Variants in KCNH1 observed in about 807,000 individuals in gnomAD.
KCNH1 encodes the protein potassium voltage-gated channel subfamily H member 1, also known as voltage-gated delayed rectifier potassium channel KCNH1.
KCNH1 carries 27 observed loss-of-function variants against 69.2 expected under a neutral mutation model. That is an observed-to-expected ratio of 0.39 (90% CI 0.29 to 0.54). KCNH1 has a LOEUF of 0.54. Among genes scored for constraint, KCNH1 ranks in the 20% least tolerant of loss-of-function variants. KCNH1 has a pLI of 0.68. For missense variants in KCNH1, 798 were observed against 1,261.6 expected, an observed-to-expected ratio of 0.63 and a Z score of 5.57; for synonymous variants, 456 against 487.7, an observed-to-expected ratio of 0.93 and a Z score of 0.86.
intron 10 of KCNH1, among the ~76,000 whole-genome samples, chr1:210,716,431 CAAAA>C (rs58725705): frequency 2.2e-5 from 2 of 91,968 alleles, no homozygotes; most frequent in Non-Finnish European, 2.0e-5. Flanking sequence ...GACTCCGTCT[CAAAA>C]AAAAAAAAAA....
chr1:210,688,856 C>G (rs28513183), intron 10 of KCNH1, among the ~76,000 whole-genome samples: 59,023 of 152,050 alleles, frequency 0.39, 12,558 homozygotes, highest in South Asian at 0.54. Context: ...TGTTCCACTG[C>G]AAAAGGCCCA....
intron 10 of KCNH1, among the ~76,000 whole-genome samples, chr1:210,695,436 T>G (rs1337493191): frequency 2.0e-5 from 3 of 152,224 alleles, no homozygotes; most frequent in African/African-American, 7.2e-5. Flanking sequence ...CTAACCTACC[T>G]CTCATTAACA....
intron 1 of KCNH1, among the ~76,000 whole-genome samples, chr1:211,120,299 C>T (rs990334124): frequency 6.6e-6 from 1 of 151,730 alleles, no homozygotes; most frequent in Non-Finnish European, 1.5e-5. Flanking sequence ...AAGCAATTCT[C>T]CTGCTTCAGC....
intron 10 of KCNH1, among the ~76,000 whole-genome samples, chr1:210,717,957 GT>G (rs1553337571): frequency 1.3e-5 from 2 of 151,762 alleles, no homozygotes; most frequent in Non-Finnish European, 2.9e-5. Flanking sequence ...AAATATAAAA[GT>G]TAGCCAGGCG....
intron 6 of KCNH1, among the ~76,000 whole-genome samples, chr1:210,998,247 G>A (rs552566079): frequency 6.6e-6 from 1 of 152,322 alleles, no homozygotes; most frequent in South Asian, 2.1e-4. Flanking sequence ...ACCTATCAGT[G>A]TGTTGTATTC....
chr1:210,998,548 C>T (rs1171813197), intron 6 of KCNH1, among the ~76,000 whole-genome samples: 1 of 152,170 alleles, frequency 6.6e-6, no homozygotes, highest in Non-Finnish European at 1.5e-5. Flanking sequence ...CTTAGACTCC[C>T]ACACGATAAT....
At chr1:210,857,018 G>T (rs545302322) in intron 7 of KCNH1, among the ~76,000 whole-genome samples, 7 of 150,908 alleles carry the variant, frequency 4.6e-5, no homozygotes, top group South Asian at 2.1e-4. Flanking sequence ...CAGTTGTGAC[G>T]CTCTAGCTTA....
chr1:211,021,442 T>G (rs1433109167), intron 5 of KCNH1, among the ~76,000 whole-genome samples: 1 of 152,126 alleles, frequency 6.6e-6, no homozygotes, highest in Non-Finnish European at 1.5e-5. Context: ...ACCACTGTTA[T>G]TCAACATAGC....
intron 10 of KCNH1, among the ~76,000 whole-genome samples, chr1:210,753,461 A>G (rs1450973234): frequency 3.9e-5 from 6 of 152,182 alleles, no homozygotes; most frequent in Non-Finnish European, 7.4e-5. Context: ...CAGCTTCCCC[A>G]TGGGGTTGTC....
At chr1:210,707,130 A>G (rs1558431969) in intron 10 of KCNH1, among the ~76,000 whole-genome samples, 1 of 152,172 alleles carries the variant, frequency 6.6e-6, no homozygotes. Flanking sequence ...GTTTTCATAT[A>G]TATTGTTCCT....
chr1:210,925,526 C>T (rs993741400), intron 6 of KCNH1, among the ~76,000 whole-genome samples: 3 of 152,136 alleles, frequency 2.0e-5, no homozygotes, highest in East Asian at 1.9e-4. Context: ...GGTGCTGTTG[C>T]GGGGGACATG....
intron 1 of KCNH1, among the ~76,000 whole-genome samples, chr1:211,122,506 A>C (rs941409809): frequency 2.6e-5 from 4 of 152,228 alleles, no homozygotes; most frequent in Non-Finnish European, 5.9e-5. Flanking sequence ...AAGCCATTCT[A>C]CTATAAAGAC....
intron 6 of KCNH1, among the ~76,000 whole-genome samples, chr1:210,955,594 G>T (rs1298151466): frequency 6.6e-6 from 1 of 152,106 alleles, no homozygotes; most frequent in African/African-American, 2.4e-5. Flanking sequence ...GTGGTTTGTA[G>T]TTCTCCTTGA....
At chr1:210,920,508 G>A (rs1687437121) in intron 6 of KCNH1, among the ~76,000 whole-genome samples, 1 of 151,998 alleles carries the variant, frequency 6.6e-6, no homozygotes, top group Admixed American at 6.5e-5. Context: ...GCATAAGTAT[G>A]CAAACATATA....
Position 210,922,383 on chromosome 1 carries a change from C to CAAAAAAA in KCNH1, c.1033-2321_1033-2315dup, listed in dbSNP as rs758026291. On this transcript the variant is annotated intron_variant, in intron 6 of 10. Coordinates refer to ENST00000271751, the MANE Select transcript of KCNH1 (RefSeq NM_172362.3). ...TGGGCAACAGAGCGAGACTCCGTCT[C>CAAAAAAA]AAAAAAAAAAAAAAAAAAAAAAAAA... 3.7e-4 allele frequency among the ~76,000 whole-genome samples: 36 copies of CAAAAAAA among 98,312 alleles called. 1 individual carries two copies. Among genetic ancestry groups the CAAAAAAA allele is most frequent in the East Asian group, 2.7e-3 (5 of 1,866 alleles). 64.5% of individuals were successfully genotyped at this position (98,312 alleles called of 152,430 possible).
chr1:210,829,889 GC>G (rs1685122023), intron 7 of KCNH1, among the ~76,000 whole-genome samples: 1 of 152,092 alleles, frequency 6.6e-6, no homozygotes, highest in Non-Finnish European at 1.5e-5. Flanking sequence ...CAGTCACATA[GC>G]CCTTAGAATG....
chr1:210,740,103 A>T (rs1283129059), intron 10 of KCNH1, among the ~76,000 whole-genome samples: 1 of 152,202 alleles, frequency 6.6e-6, no homozygotes, highest in Non-Finnish European at 1.5e-5. Flanking sequence ...CTACTCAGGG[A>T]TTTGAAGAAA....
intron 7 of KCNH1, among the ~76,000 whole-genome samples, chr1:210,806,806 CCAAAAAAAAAAAAAA>C (rs1459307131): frequency 0.1 from 8,688 of 86,206 alleles, 1,350 homozygotes; most frequent in Admixed American, 0.12. Flanking sequence ...CCCATCTCTA[CCAAAAAAAAAAAAAA>C]AAAAAAAAAA....
At chr1:210,951,713 T>C (rs540641488) in intron 6 of KCNH1, among the ~76,000 whole-genome samples, 1 of 152,332 alleles carries the variant, frequency 6.6e-6, no homozygotes, top group South Asian at 2.1e-4. Flanking sequence ...TTATTACGAT[T>C]ATTATTTATT....
Sources: gnomAD v4.1 joint callset for allele counts (sites outside exome capture counted in the v4.1 genomes callset) on GRCh38, gnomAD v4.1.1 for gene constraint, MANE v1.5 for transcripts, NCBI Gene and HGNC (gene_info 2026-07-23, HGNC 2026-07-21) for gene names.